The following FANK1 variants were observed in gnomAD, a reference collection of about 807,000 sequenced individuals.
The protein encoded by FANK1 is fibronectin type 3 and ankyrin repeat domains protein 1.
A neutral mutation model predicts 45.3 loss-of-function variants in FANK1; 44 were observed. The observed-to-expected ratio is 0.97, with a 90% CI of 0.76 to 1.25. The LOEUF is 1.25. FANK1 is among the 50% of genes most tolerant of loss of function. The probability of loss-of-function intolerance (pLI) is 0.00; values close to 1 mark genes in which losing one functional copy is unlikely to be tolerated. For synonymous variants in FANK1, 149 were observed against 152.5 expected (o/e 0.98, Z 0.17); for missense variants, 391 against 424.4 (o/e 0.92, Z 0.69).
chr10:125,996,591 C>T lies in FANK1; in HGVS notation c.440C>T (p.Ala147Val). The T allele has an allele frequency of 6.2e-7, 1 of 1,614,146 alleles. No homozygotes were observed. The highest frequency in any genetic ancestry group is 8.5e-7 in the Non-Finnish European group (1 of 1,180,022). Residue 147 changes from alanine to valine, a missense_variant, in exon 5 of 11, where the codon GCT (alanine) becomes GTT (valine). Ala to Val is a moderately conservative substitution (Grantham distance 64, BLOSUM62 0). Coordinates refer to ENST00000368693, the MANE Select transcript of FANK1 (RefSeq NM_145235.5). Reference sequence around the variant, plus strand: ...GTTCCCAATAAGTTTGGCTTTACCGCTCTGATGGTTGCTGCCCAGAAAGGA... The same window carrying T: ...GTTCCCAATAAGTTTGGCTTTACCGTTCTGATGGTTGCTGCCCAGAAAGGA... ...VDVPNKFGFT[A>V]LMVAAQKGYT...
At chr10:126,007,749 C>T (rs1167378562) in intron 7 of FANK1, among the ~76,000 whole-genome samples, 3 of 152,172 alleles carry the variant, frequency 2.0e-5, no homozygotes, top group African/African-American at 7.2e-5. Context: ...TTCAGCACCA[C>T]TCTTCATGGA....
At chr10:125,975,304 C>T (rs1950789312) in intron 1 of FANK1, among the ~76,000 whole-genome samples, 1 of 152,202 alleles carries the variant, frequency 6.6e-6, no homozygotes, top group South Asian at 2.1e-4. Flanking sequence ...CTGCAGTGAA[C>T]ATTCACATGC....
intron 1 of FANK1, among the ~76,000 whole-genome samples, chr10:125,949,089 C>T (rs1815016719): frequency 6.6e-6 from 1 of 151,656 alleles, no homozygotes; most frequent in Non-Finnish European, 1.5e-5. Context: ...TAAAAACTCT[C>T]AATAAATTAG....
intron 1 of FANK1, among the ~76,000 whole-genome samples, chr10:125,916,986 A>G (rs1267566656): frequency 3.9e-5 from 6 of 152,208 alleles, no homozygotes; most frequent in African/African-American, 1.2e-4. Context: ...CCAGTTTACT[A>G]CGCTTAGCTC....
intron 1 of FANK1, among the ~76,000 whole-genome samples, chr10:125,901,526 A>C (rs1188976274): frequency 2.0e-5 from 3 of 152,190 alleles, no homozygotes; most frequent in Non-Finnish European, 4.4e-5. Context: ...CTGCCTCTTC[A>C]AACTCATCAC....
At chr10:125,921,519 CT>C (rs1946943938) in intron 1 of FANK1, among the ~76,000 whole-genome samples, 1 of 152,132 alleles carries the variant, frequency 6.6e-6, no homozygotes, top group African/African-American at 2.4e-5. Context: ...TTTCATTTCA[CT>C]TGTGCAAATG....
At chr10:125,969,645 T>C (rs1950371531) in intron 1 of FANK1, among the ~76,000 whole-genome samples, 1 of 152,184 alleles carries the variant, frequency 6.6e-6, no homozygotes, top group Non-Finnish European at 1.5e-5. Context: ...TTTTAGTATT[T>C]ATTGATCATT....
chr10:125,989,796 A>G (rs1022584504), intron 3 of FANK1, among the ~76,000 whole-genome samples: 2 of 152,208 alleles, frequency 1.3e-5, no homozygotes, highest in Non-Finnish European at 2.9e-5. Flanking sequence ...GCAGAACATG[A>G]GCTCTGTGTG....
intron 1 of FANK1, chr10:125,972,073 T>C (rs1435627112): frequency 6.6e-6 from 1 of 152,244 alleles, no homozygotes; most frequent in African/African-American, 2.4e-5. Flanking sequence ...ATGTAACTTC[T>C]CTGTGCCTCA....
intron 7 of FANK1, among the ~76,000 whole-genome samples, chr10:126,005,617 T>C (rs1299252336): frequency 6.6e-6 from 1 of 152,160 alleles, no homozygotes; most frequent in Non-Finnish European, 1.5e-5. Flanking sequence ...CTGATGTTTC[T>C]ACTTTGTTCT....
intron 3 of FANK1, chr10:125,988,903 C>T (rs1041591515): frequency 3.0e-6 from 2 of 671,472 alleles, no homozygotes; most frequent in African/African-American, 3.6e-5. Context: ...CCAGAACTGT[C>T]CTGTTAGTAG....
At position 125,982,079 on chromosome 10, in the gene FANK1, G is replaced by A. The variant is rs375420735; in HGVS notation, c.191+1741G>A. Among the ~76,000 whole-genome samples the A allele has an allele frequency of 5.0e-4, 76 of 152,272 alleles. No individual in the cohort carries two copies. The South Asian group carries it at 7.0e-3, about 14-fold the overall frequency. On this transcript the variant is annotated intron_variant, in intron 2 of 10. Transcript: ENST00000368693. ...ACTCAAATGTTATTTTAATCATGTC[G>A]TTTTACTTATTGAAGGTATGCTTTT...
At chr10:126,003,961 C>T (rs979855737) in intron 6 of FANK1, among the ~76,000 whole-genome samples, 2 of 152,028 alleles carry the variant, frequency 1.3e-5, no homozygotes, top group Admixed American at 6.5e-5. Context: ...CAGGGGTGAA[C>T]CTCTGTGCCT....
At position 126,009,119 on chromosome 10, in the gene FANK1, T is replaced by A; in HGVS notation, c.915T>A (p.Ser305Arg). The change falls in exon 9 of 11, where the codon AGT becomes AGA. Residue 305 changes from serine to arginine, a missense_variant. Ser to Arg is a moderately radical substitution (Grantham distance 110). Coordinates refer to ENST00000368693, the MANE Select transcript of FANK1 (RefSeq NM_145235.5). ...QLLLDKGADA[S>R]VKNEFGKGVL... ...TTCTTGACAAAGGGGCAGATGCAAG[T>A]GTAAAAAATGAGGTAAATGAGTCCA... 6.2e-7 allele frequency: 1 copy of A among 1,614,190 alleles called. No homozygotes were observed. The highest frequency in any genetic ancestry group is 1.1e-5 in the South Asian group (1 of 91,082).
chr10:125,987,857 G>T (rs73370553), intron 2 of FANK1, among the ~76,000 whole-genome samples: 2,118 of 152,272 alleles, frequency 0.014, 48 homozygotes, highest in African/African-American at 0.046. Context: ...GCATTTCTTG[G>T]TGCTGATTTT....
chr10:125,928,371 C>T (rs116604017), intron 1 of FANK1, among the ~76,000 whole-genome samples: 16 of 150,870 alleles, frequency 1.1e-4, no homozygotes, highest in Admixed American at 7.3e-4. Context: ...GGAAGACCAG[C>T]GGTCACTCTT....
At chr10:125,997,166 G>A (rs953687007) in intron 5 of FANK1, among the ~76,000 whole-genome samples, 3 of 152,140 alleles carry the variant, frequency 2.0e-5, no homozygotes, top group African/African-American at 4.8e-5. Flanking sequence ...TTGGTAGCCC[G>A]ATTTGTTTCA....
chr10:125,992,912 T>A (rs1317994772), intron 3 of FANK1, among the ~76,000 whole-genome samples: 1 of 152,246 alleles, frequency 6.6e-6, no homozygotes, highest in African/African-American at 2.4e-5. Context: ...GATGTTCATC[T>A]GTATTCAAAA....
At chr10:125,954,971 G>T (rs11244718) in intron 1 of FANK1, among the ~76,000 whole-genome samples, 112,337 of 152,036 alleles carry the variant, frequency 0.74, 41,993 homozygotes, top group South Asian at 0.8. Context: ...GAGGATTTAC[G>T]TAACTAAAAG....
Sources: allele counts gnomAD v4.1 joint callset (sites outside exome capture counted in the v4.1 genomes callset), GRCh38; gene constraint gnomAD v4.1.1; transcripts MANE v1.5; gene names NCBI Gene and HGNC (gene_info 2026-07-23, HGNC 2026-07-21).